The following BCAS3 variants were observed in gnomAD, a reference collection of about 807,000 sequenced individuals.
BCAS3 encodes BCAS4/BCAS3 fusion.
Under a neutral mutation model 116.1 loss-of-function variants are expected in BCAS3, and 53 were observed. The ratio of observed to expected loss-of-function variants is 0.46; its 90% CI spans 0.37 to 0.57. BCAS3 has a LOEUF of 0.57. Among genes scored for constraint, BCAS3 ranks in the 20% least tolerant of loss-of-function variants. The pLI is 0.00. For missense variants in BCAS3, 917 were observed against 1,165.4 expected (o/e 0.79, Z 3.10); for synonymous variants, 391 against 408.2 (o/e 0.96, Z 0.51).
intron 23 of BCAS3, among the ~76,000 whole-genome samples, chr17:61,369,913 T>A (rs1397014647): frequency 6.6e-6 from 1 of 152,178 alleles, no homozygotes; most frequent in Non-Finnish European, 1.5e-5. Context: ...TCGGCTCACA[T>A]AAACCGGAGC....
intron 22 of BCAS3, among the ~76,000 whole-genome samples, chr17:61,296,835 A>G (rs2052962290): frequency 6.6e-6 from 1 of 152,234 alleles, no homozygotes; most frequent in Non-Finnish European, 1.5e-5. Context: ...AGCTGTGTTT[A>G]GTTCAGGATG....
Position 61,051,454 on chromosome 17 carries a change from T to C in BCAS3, c.2029+10562T>C, listed in dbSNP as rs1482566404. ...CACATAAATTGAGTGTAAAACTGTA[T>C]ATGTAAATTTCATTATATCTGAATA... On this transcript the variant is annotated intron_variant, in intron 19 of 23. Transcript: ENST00000407086. The surrounding 1 kb of genome is among the most constrained non-coding windows in gnomAD (Gnocchi z 4.1). 2.6e-5 allele frequency among the ~76,000 whole-genome samples: 4 copies of C among 152,230 alleles called. No individual in the cohort carries two copies. The highest frequency in any genetic ancestry group is 5.9e-5 in the Non-Finnish European group (4 of 68,044).
chr17:60,794,691 T>C (rs1489744037), intron 6 of BCAS3, among the ~76,000 whole-genome samples: 1 of 152,216 alleles, frequency 6.6e-6, no homozygotes, highest in African/African-American at 2.4e-5. Context: ...TTTTGTTTGC[T>C]TTGTTGAAGA....
Position 61,015,140 on chromosome 17 carries a change from G to A in BCAS3, c.1487-611G>A, listed in dbSNP as rs559005628. On this transcript the variant is annotated intron_variant, in intron 15 of 23. Coordinates refer to ENST00000407086, the MANE Select transcript of BCAS3 (RefSeq NM_017679.5). Reference sequence around the variant, plus strand: ...GTTTAGAAATTGACAAGGTATGGGGGAACTAGCAGATTGTGTTGGATGTAA... The same window carrying A: ...GTTTAGAAATTGACAAGGTATGGGGAAACTAGCAGATTGTGTTGGATGTAA... Among the ~76,000 whole-genome samples, 12 of 152,260 alleles carry A rather than the reference G, an allele frequency of 7.9e-5. No individual in the cohort carries two copies. The East Asian group carries it at 1.7e-3, about 22-fold the overall frequency.
chr17:60,861,332 C>T (rs1337149725), intron 7 of BCAS3, among the ~76,000 whole-genome samples: 1 of 152,198 alleles, frequency 6.6e-6, no homozygotes, highest in Non-Finnish European at 1.5e-5. Flanking sequence ...GATTTTCATA[C>T]ATTGATTTTA....
In BCAS3 at chr17:61,131,664, T is replaced by C. The variant is rs994297523; in HGVS notation, c.2425+47100T>C. 5.9e-5 allele frequency among the ~76,000 whole-genome samples: 9 copies of C among 152,192 alleles called. No homozygotes were observed. The highest frequency in any genetic ancestry group is 2.2e-4 in the African/African-American group (9 of 41,446). ...TTTGCAGCCTGTAGTGGTCTGCACT[T>C]CTCTGTTTTTCTTTCCCTGAGAGTG... On this transcript the variant is annotated intron_variant, in intron 22 of 23. Coordinates refer to ENST00000407086, the MANE Select transcript of BCAS3 (RefSeq NM_017679.5). This position sits in a 1 kb window ranked among gnomAD's most constrained non-coding sequence, Gnocchi z 4.4.
intron 13 of BCAS3, among the ~76,000 whole-genome samples, chr17:60,938,512 G>A (rs1240339749): frequency 6.6e-6 from 1 of 152,002 alleles, no homozygotes; most frequent in African/African-American, 2.4e-5. Flanking sequence ...AACTCTAAAT[G>A]GATAATAGGC....
chr17:61,035,756 T>C (rs1413673421), intron 17 of BCAS3, among the ~76,000 whole-genome samples: 1 of 152,144 alleles, frequency 6.6e-6, no homozygotes, highest in Non-Finnish European at 1.5e-5. Flanking sequence ...GAGCCCTATA[T>C]GGTACAATGC....
intron 6 of BCAS3, among the ~76,000 whole-genome samples, chr17:60,797,713 A>G (rs896610668): frequency 1.3e-5 from 2 of 152,110 alleles, no homozygotes; most frequent in South Asian, 4.2e-4. Context: ...GCCCTGGTGT[A>G]TGATGTTCTT....
intron 6 of BCAS3, among the ~76,000 whole-genome samples, chr17:60,784,013 A>G (rs2046055429): frequency 6.6e-6 from 1 of 152,212 alleles, no homozygotes; most frequent in Admixed American, 6.5e-5. Flanking sequence ...GAAGTATAAT[A>G]TAAAGCAGCA....
intron 19 of BCAS3, among the ~76,000 whole-genome samples, chr17:61,054,083 G>T (rs2069132766): frequency 6.6e-6 from 1 of 152,194 alleles, no homozygotes; most frequent in African/African-American, 2.4e-5. Flanking sequence ...GTAAATGATG[G>T]ACTTAAAGTT....
At chr17:60,982,350 A>G (rs1377285587) in intron 14 of BCAS3, among the ~76,000 whole-genome samples, 4 of 152,168 alleles carry the variant, frequency 2.6e-5, no homozygotes, top group Non-Finnish European at 5.9e-5. Context: ...TCTGTTGCCC[A>G]AGCTAGAGTA....
intron 4 of BCAS3, 99 bp downstream of exon 4, chr17:60,689,860 T>C: frequency 1.3e-6 from 1 of 779,262 alleles, no homozygotes. Context: ...TTACTTTCTC[T>C]TATAGTAATT....
In BCAS3 at chr17:61,017,803, C is replaced by A. The variant is rs2065565425; in HGVS notation, c.1637+1902C>A. On this transcript the variant is annotated intron_variant, in intron 16 of 23. Coordinates refer to ENST00000407086, the MANE Select transcript of BCAS3 (RefSeq NM_017679.5). The surrounding 1 kb of genome is among the most constrained non-coding windows in gnomAD (Gnocchi z 4.7). ...GAAGATAAAATCTCTTGCTTTCTTTCTCTCTCTCTCCCTCTTACAACCCGA... is the reference window on the plus strand; with the variant it reads ...GAAGATAAAATCTCTTGCTTTCTTTATCTCTCTCTCCCTCTTACAACCCGA... Among the ~76,000 whole-genome samples, 1 of 151,838 alleles carries A rather than the reference C, an allele frequency of 6.6e-6. No individual in the cohort carries two copies. The highest frequency in any genetic ancestry group is 1.5e-5 in the Non-Finnish European group (1 of 67,932).
At chr17:61,114,318 A>T (rs796662527) in intron 22 of BCAS3, among the ~76,000 whole-genome samples, 1 of 143,136 alleles carries the variant, frequency 7.0e-6, no homozygotes, top group Non-Finnish European at 1.5e-5. Flanking sequence ...TGCAGATGAC[A>T]TGATTGTATA....
At chr17:60,767,295 C>T (rs1848044711) in intron 6 of BCAS3, among the ~76,000 whole-genome samples, 1 of 151,534 alleles carries the variant, frequency 6.6e-6, no homozygotes, top group African/African-American at 2.4e-5. Flanking sequence ...CTGGGAACTG[C>T]AGACTGGACC....
chr17:60,755,177 T>G (rs1334057380), intron 6 of BCAS3, among the ~76,000 whole-genome samples: 1 of 152,224 alleles, frequency 6.6e-6, no homozygotes, highest in Non-Finnish European at 1.5e-5. Context: ...GGAAATTGAT[T>G]TCAGAGGATT....
intron 19 of BCAS3, among the ~76,000 whole-genome samples, chr17:61,046,057 T>TTATATATATATATAATATATATATATTTA (rs1491372530): frequency 2.1e-4 from 4 of 19,096 alleles, no homozygotes; most frequent in East Asian, 2.5e-3. Context: ...AATATATATA[T>TTATATATATATATAATATATATATATTTA]TATATATATA....
chr17:61,377,313 G>A lies in BCAS3; in HGVS notation c.2593+8819G>A, dbSNP rs147889577. Among the ~76,000 whole-genome samples, 495 of 152,348 alleles carry A rather than the reference G, an allele frequency of 3.2e-3. 7 individuals carry two copies. Among genetic ancestry groups the A allele is most frequent in the African/African-American group, 0.011 (465 of 41,582 alleles). On this transcript the variant is annotated intron_variant, in intron 23 of 23. Coordinates refer to ENST00000407086, the MANE Select transcript of BCAS3 (RefSeq NM_017679.5). The surrounding 1 kb of genome is among the most constrained non-coding windows in gnomAD (Gnocchi z 4.6). ...ACTCGGGACAAGAGGGAGCAGCTGCGCCAGCGAGACTGTGGGACAGCCGGT... is the reference window on the plus strand; with the variant it reads ...ACTCGGGACAAGAGGGAGCAGCTGCACCAGCGAGACTGTGGGACAGCCGGT...
Sources: gnomAD v4.1 joint callset for allele counts (sites outside exome capture counted in the v4.1 genomes callset) on GRCh38, gnomAD v4.1.1 for gene constraint, Gnocchi (gnomAD v3.1) non-coding constraint, MANE v1.5 for transcripts, NCBI Gene and HGNC (gene_info 2026-07-23, HGNC 2026-07-21) for gene names.